The following LRMDA variants were observed in gnomAD, a reference collection of about 807,000 sequenced individuals.
The protein encoded by LRMDA is leucine rich melanocyte differentiation associated.
Under a neutral mutation model 29.8 loss-of-function variants are expected in LRMDA, and 18 were observed. That is an observed-to-expected ratio of 0.60 (90% CI 0.42 to 0.90). The LOEUF (loss-of-function observed/expected upper bound fraction) is 0.90. Among genes scored for constraint, LRMDA ranks in the 40% least tolerant of loss-of-function variants. The pLI, the probability that LRMDA is intolerant of heterozygous loss-of-function variation, is 0.00. For missense variants in LRMDA, 273 were observed against 273.9 expected (o/e 1.00, Z 0.02); for synonymous variants, 125 against 109.4 (o/e 1.14, Z -0.89).
intron 2 of LRMDA, among the ~76,000 whole-genome samples, chr10:75,578,224 A>AAAAAAAAAAAAAAAAAAAAAC (rs1840534832): frequency 7.1e-6 from 1 of 140,034 alleles, no homozygotes; most frequent in Non-Finnish European, 1.6e-5. Context: ...GCAAAAAAAA[A>AAAAAAAAAAAAAAAAAAAAAC]AAAAAAAAAA....
At chr10:76,181,586 G>C (rs1279134041) in intron 5 of LRMDA, among the ~76,000 whole-genome samples, 1 of 152,218 alleles carries the variant, frequency 6.6e-6, no homozygotes, top group Non-Finnish European at 1.5e-5. Context: ...GGGGCAGCAA[G>C]AGAGTCTGTA....
At chr10:76,298,056 C>T (rs1324771274) in intron 5 of LRMDA, among the ~76,000 whole-genome samples, 3 of 152,224 alleles carry the variant, frequency 2.0e-5, no homozygotes, top group Admixed American at 1.3e-4. Context: ...CACACAGCTG[C>T]GTGCGAGCTG....
intron 5 of LRMDA, among the ~76,000 whole-genome samples, chr10:76,069,546 A>G (rs1462981499): frequency 6.6e-6 from 1 of 151,284 alleles, no homozygotes; most frequent in Non-Finnish European, 1.5e-5. Context: ...CTGAATTAGA[A>G]CTCATTATTT....
chr10:75,957,580 C>T (rs1846685844), intron 2 of LRMDA, among the ~76,000 whole-genome samples: 1 of 152,186 alleles, frequency 6.6e-6, no homozygotes, highest in Non-Finnish European at 1.5e-5. Flanking sequence ...CAGAAACGCC[C>T]TTCCTTGCCC....
At chr10:75,908,644 C>A (rs1338412894) in intron 2 of LRMDA, among the ~76,000 whole-genome samples, 1 of 152,172 alleles carries the variant, frequency 6.6e-6, no homozygotes, top group Non-Finnish European at 1.5e-5. Flanking sequence ...GGCTGGCTAG[C>A]TCTCCATCGA....
chr10:76,364,052 A>AT (rs1841361034), intron 6 of LRMDA, among the ~76,000 whole-genome samples: 1 of 152,114 alleles, frequency 6.6e-6, no homozygotes, highest in Non-Finnish European at 1.5e-5. Flanking sequence ...CTCCAACAAA[A>AT]TTTTTCTAGT....
At position 76,250,677 on chromosome 10, in the gene LRMDA, C is replaced by T. The variant is rs562770669; in HGVS notation, c.517-73724C>T. 3.3e-5 allele frequency among the ~76,000 whole-genome samples: 5 copies of T among 152,224 alleles called. No homozygotes were observed. In the East Asian group the frequency reaches 9.6e-4, roughly 29 times the overall value. On this transcript the variant is annotated intron_variant, in intron 5 of 6. Transcript: ENST00000611255. ...ATTAAAACTGCTTTGAATTTGGTTTCCCCCTTAGATAAGAAATTATTTTTT... is the reference window on the plus strand; with the variant it reads ...ATTAAAACTGCTTTGAATTTGGTTTTCCCCTTAGATAAGAAATTATTTTTT...
chr10:75,447,525 C>T (rs191875550), intron 2 of LRMDA, among the ~76,000 whole-genome samples: 1 of 151,384 alleles, frequency 6.6e-6, no homozygotes, highest in Non-Finnish European at 1.5e-5. Flanking sequence ...GACTCCATCT[C>T]AAAAAAAAGA....
rs192835433 is a variant in LRMDA, at chr10:75,757,228, T to C, written c.132-278780T>C. Among the ~76,000 whole-genome samples, 637 of 152,178 alleles carry C rather than the reference T, an allele frequency of 4.2e-3. 7 individuals are homozygous for C. The highest frequency in any genetic ancestry group is 0.014 in the African/African-American group (598 of 41,520). On this transcript the variant is annotated intron_variant, in intron 2 of 6. Coordinates refer to ENST00000611255, the MANE Select transcript of LRMDA (RefSeq NM_001305581.2). ...TTATCCTTCTGCTACCCTCCCAACC[T>C]CCCTTCCCCATTCCCAGGGGCCTCA...
intron 2 of LRMDA, among the ~76,000 whole-genome samples, chr10:75,618,380 C>CTATATATATA (rs1471312612): frequency 1.1e-4 from 6 of 55,290 alleles, no homozygotes; most frequent in African/African-American, 3.6e-4. Flanking sequence ...CTCTCTCTCT[C>CTATATATATA]TCTATATATA....
At chr10:75,957,356 G>T (rs1198842576) in intron 2 of LRMDA, among the ~76,000 whole-genome samples, 1 of 152,166 alleles carries the variant, frequency 6.6e-6, no homozygotes, top group Non-Finnish European at 1.5e-5. Flanking sequence ...TTATCAAATG[G>T]CCCAGGCCTA....
intron 2 of LRMDA, among the ~76,000 whole-genome samples, chr10:75,751,168 A>G (rs568932330): frequency 6.6e-6 from 1 of 152,320 alleles, no homozygotes; most frequent in African/African-American, 2.4e-5. Context: ...TACAAAAACC[A>G]GTCAGGCGTG....
At chr10:76,019,387 T>C (rs149158348) in intron 2 of LRMDA, among the ~76,000 whole-genome samples, 1 of 152,300 alleles carries the variant, frequency 6.6e-6, no homozygotes, top group African/African-American at 2.4e-5. Context: ...TTGCTGTTAT[T>C]AGTGCACACT....
At chr10:75,563,702 A>G (rs1338915699) in intron 2 of LRMDA, among the ~76,000 whole-genome samples, 1 of 151,354 alleles carries the variant, frequency 6.6e-6, no homozygotes, top group South Asian at 2.1e-4. Flanking sequence ...GTACAGATGG[A>G]TTTTTGGTGT....
intron 2 of LRMDA, among the ~76,000 whole-genome samples, chr10:75,564,883 T>G (rs1840350151): frequency 6.6e-6 from 1 of 152,346 alleles, no homozygotes; most frequent in African/African-American, 2.4e-5. Flanking sequence ...ATTCACCAGA[T>G]TGTAACATTC....
intron 5 of LRMDA, among the ~76,000 whole-genome samples, chr10:76,190,316 A>ACTT (rs554718107): frequency 2.0e-5 from 3 of 152,202 alleles, no homozygotes; most frequent in South Asian, 4.1e-4. Flanking sequence ...ACAGGAAAAG[A>ACTT]CTTCTGTGCA....
At chr10:75,462,648 T>TC in intron 2 of LRMDA, among the ~76,000 whole-genome samples, 1 of 152,240 alleles carries the variant, frequency 6.6e-6, no homozygotes, top group South Asian at 2.1e-4. Context: ...TTAAAAATAA[T>TC]ATTTCCTGAG....
intron 2 of LRMDA, chr10:75,450,545 G>C (rs1418571669): frequency 6.6e-6 from 1 of 152,218 alleles, no homozygotes; most frequent in East Asian, 1.9e-4. Context: ...GGGCAGGAGA[G>C]GCGGTGTTAA....
At chr10:75,505,661 C>T (rs1845161625) in intron 2 of LRMDA, among the ~76,000 whole-genome samples, 1 of 152,188 alleles carries the variant, frequency 6.6e-6, no homozygotes, top group South Asian at 2.1e-4. Flanking sequence ...CCCCCATATT[C>T]TTCCTGCCTG....
Sources: allele counts gnomAD v4.1 joint callset (sites outside exome capture counted in the v4.1 genomes callset), GRCh38; gene constraint gnomAD v4.1.1; transcripts MANE v1.5; gene names NCBI Gene and HGNC (gene_info 2026-07-23, HGNC 2026-07-21).